Variants in ATRNL1 observed in about 807,000 individuals in gnomAD.
The protein encoded by ATRNL1 is attractin like 1.
In ATRNL1, 95 loss-of-function variants were observed where a neutral mutation model predicts 182.7. The observed-to-expected ratio is 0.52, with a 90% CI of 0.44 to 0.62. The LOEUF (loss-of-function observed/expected upper bound fraction) is 0.62, where lower values mean the gene tolerates loss of function less well. ATRNL1 is among the 20% of genes least tolerant of loss of function. The pLI is 0.00. For missense variants in ATRNL1, 1,471 were observed against 1,679.5 expected, an observed-to-expected ratio of 0.88 and a Z score of 2.17; for synonymous variants, 576 against 568.3, an observed-to-expected ratio of 1.01 and a Z score of -0.19.
chr10:115,445,657 A>G (rs1226201513), intron 21 of ATRNL1, among the ~76,000 whole-genome samples: 3 of 151,900 alleles, frequency 2.0e-5, no homozygotes, highest in East Asian at 1.9e-4. Context: ...AAAGTGTACA[A>G]TTCAGTAGCT....
chr10:115,322,983 T>G (rs75508114), intron 18 of ATRNL1, among the ~76,000 whole-genome samples: 1 of 152,060 alleles, frequency 6.6e-6, no homozygotes, highest in African/African-American at 2.4e-5. Context: ...TTGTCCTATT[T>G]AGAGTTTTTT....
At chr10:115,252,638 C>T (rs1213684434) in intron 10 of ATRNL1, among the ~76,000 whole-genome samples, 1 of 152,150 alleles carries the variant, frequency 6.6e-6, no homozygotes, top group East Asian at 1.9e-4. Context: ...TTCTGATATT[C>T]CCATTTTGTG....
chr10:115,737,660 C>T (rs1947997626), intron 27 of ATRNL1, among the ~76,000 whole-genome samples: 1 of 152,026 alleles, frequency 6.6e-6, no homozygotes, highest in South Asian at 2.1e-4. Context: ...GGGAGGTCCC[C>T]TTCACTTGTT....
intron 28 of ATRNL1, among the ~76,000 whole-genome samples, chr10:115,917,103 G>A (rs549860515): frequency 1.3e-5 from 2 of 152,308 alleles, no homozygotes; most frequent in Admixed American, 1.3e-4. Context: ...CTTTGAGATG[G>A]CGTCTAACTC....
intron 28 of ATRNL1, among the ~76,000 whole-genome samples, chr10:115,873,591 A>G (rs1951633972): frequency 6.6e-6 from 1 of 152,198 alleles, no homozygotes. Context: ...TCTTTAAGGT[A>G]GTTTCTGGCT....
chr10:115,782,275 T>G (rs779403815), intron 27 of ATRNL1, among the ~76,000 whole-genome samples: 3 of 152,208 alleles, frequency 2.0e-5, no homozygotes, highest in Non-Finnish European at 4.4e-5. Flanking sequence ...CTTTACAGTT[T>G]ATTTAACCAA....
chr10:115,552,745 A>G (rs1360155282), intron 26 of ATRNL1, among the ~76,000 whole-genome samples: 8 of 151,200 alleles, frequency 5.3e-5, no homozygotes, highest in African/African-American at 1.9e-4. Flanking sequence ...AAAAAATGAA[A>G]CTACACACAA....
At position 115,734,977 on chromosome 10, in the gene ATRNL1, A is replaced by G. The variant is rs76189483; in HGVS notation, c.3903+7622A>G. Among the ~76,000 whole-genome samples the G allele has an allele frequency of 7.0e-3, 1,065 of 152,278 alleles. 15 individuals carry two copies. The highest frequency in any genetic ancestry group is 0.024 in the African/African-American group (1,004 of 41,566). ...TAAATCTTGCTTCCAATTTAAGAAC[A>G]ATTTAAATCTTGCTTCCAATTTTCT... is the stretch of plus-strand genomic sequence containing the variant. On this transcript the variant is annotated intron_variant, in intron 27 of 28. Transcript: ENST00000355044.
At chr10:115,177,889 G>A (rs1379314818) in intron 8 of ATRNL1, among the ~76,000 whole-genome samples, 1 of 113,006 alleles carries the variant, frequency 8.8e-6, no homozygotes, top group Non-Finnish European at 1.9e-5. Context: ...TTTTTTTTTT[G>A]GTTTTGTTTT....
chr10:115,864,980 T>C (rs1405422266), intron 28 of ATRNL1, among the ~76,000 whole-genome samples: 1 of 111,010 alleles, frequency 9.0e-6, no homozygotes, highest in South Asian at 2.8e-4. Context: ...AGACTCCGTC[T>C]AAAAAAAAAA....
chr10:115,753,099 A>C (rs1374955340), intron 27 of ATRNL1, among the ~76,000 whole-genome samples: 1 of 152,072 alleles, frequency 6.6e-6, no homozygotes, highest in African/African-American at 2.4e-5. Flanking sequence ...TGTTGTGAAC[A>C]TGAAATGGGA....
chr10:115,606,818 A>G (rs1469491466), intron 26 of ATRNL1, among the ~76,000 whole-genome samples: 2 of 152,022 alleles, frequency 1.3e-5, no homozygotes, highest in Non-Finnish European at 2.9e-5. Context: ...GCTTTAAATC[A>G]GTTTATTTTA....
At chr10:115,633,842 A>C (rs1858683421) in intron 26 of ATRNL1, among the ~76,000 whole-genome samples, 1 of 152,174 alleles carries the variant, frequency 6.6e-6, no homozygotes, top group African/African-American at 2.4e-5. Flanking sequence ...GATTTCTTGG[A>C]AAGTGAGCAA....
intron 14 of ATRNL1, among the ~76,000 whole-genome samples, chr10:115,283,808 G>A (rs1048542369): frequency 1.3e-5 from 2 of 152,250 alleles, no homozygotes; most frequent in Non-Finnish European, 2.9e-5. Flanking sequence ...TGATAGTAAA[G>A]TTACTTTTGG....
intron 1 of ATRNL1, among the ~76,000 whole-genome samples, chr10:115,102,475 A>T (rs1843815510): frequency 6.6e-6 from 1 of 151,738 alleles, no homozygotes; most frequent in South Asian, 2.1e-4. Context: ...ATGGAGTCTC[A>T]CTCTGTTGCC....
chr10:115,848,901 G>A (rs2134358683), intron 28 of ATRNL1, among the ~76,000 whole-genome samples: 1 of 152,300 alleles, frequency 6.6e-6, no homozygotes, highest in Middle Eastern at 3.4e-3. Flanking sequence ...AAGCTGGCAA[G>A]TTCTCAATAA....
intron 26 of ATRNL1, among the ~76,000 whole-genome samples, chr10:115,582,171 T>C (rs1855143220): frequency 6.6e-6 from 1 of 151,668 alleles, no homozygotes; most frequent in South Asian, 2.1e-4. Context: ...TGGTTCCAAG[T>C]CTTTGCTATT....
At chr10:115,165,674 C>A in intron 7 of ATRNL1, 29 bp downstream of exon 7, 2 of 1,370,622 alleles carry the variant, frequency 1.5e-6, no homozygotes, top group South Asian at 1.6e-5. Flanking sequence ...AAATTTTAAT[C>A]AGATTTTGTT....
intron 27 of ATRNL1, among the ~76,000 whole-genome samples, chr10:115,830,036 A>G (rs1950524928): frequency 6.6e-6 from 1 of 152,202 alleles, no homozygotes; most frequent in African/African-American, 2.4e-5. Context: ...ACCTGCAACA[A>G]GAGAGTCCTT....
Sources: allele counts gnomAD v4.1 joint callset (sites outside exome capture counted in the v4.1 genomes callset), GRCh38; gene constraint gnomAD v4.1.1; transcripts MANE v1.5; gene names NCBI Gene and HGNC (gene_info 2026-07-23, HGNC 2026-07-21).